KCNQ1OT1: variants seen among roughly 807,000 people sequenced by gnomAD.
The protein encoded by KCNQ1OT1 is KCNQ1 antisense RNA 2 (non-protein coding).
Position 2,623,278 on chromosome 11 carries a change from T to C in KCNQ1OT1, n.76717A>G. On this transcript the variant is annotated non_coding_transcript_exon_variant, in exon 1 of 1. Transcript: ENST00000597346. The surrounding 1 kb of genome is among the most constrained non-coding windows in gnomAD (Gnocchi z 5.2). ...TCAATTAAACCTCTTTTCTCACAAA[T>C]TACCCAGTCTCAGGTAGTTCTTTAT... is the stretch of plus-strand genomic sequence containing the variant. 2.5e-6 allele frequency: 1 copy of C among 398,790 alleles called. No homozygotes were observed. The highest frequency in any genetic ancestry group is 4.4e-6 in the Non-Finnish European group (1 of 226,144). 24.7% of individuals were successfully genotyped at this position (398,790 alleles called of 1,614,324 possible). A position where few individuals can be genotyped will look rare whatever the true frequency, so the allele number is the denominator to read the frequency against.
Position 2,642,359 on chromosome 11 carries a change from G to A in KCNQ1OT1, n.57636C>T. ...GGTTAAACTCATTCCTAGATTTTTT[G>A]TAGTGGTTGTAAAAGATAATGCCTT... is the stretch of plus-strand genomic sequence containing the variant. On this transcript the variant is annotated non_coding_transcript_exon_variant, in exon 1 of 1. Coordinates refer to ENST00000597346, the Ensembl canonical transcript of KCNQ1OT1. This position sits in a 1 kb window ranked among gnomAD's most constrained non-coding sequence, Gnocchi z 4.3. The A allele has an allele frequency of 2.5e-6, 1 of 398,068 alleles. No individual in the cohort carries two copies. Among genetic ancestry groups the A allele is most frequent in the Non-Finnish European group, 4.4e-6 (1 of 225,768 alleles). The allele number at this position is 398,068 out of a possible 1,614,324, so 24.7% of individuals were successfully genotyped here.
At chr11:2,649,412 A>C in exon 1 of KCNQ1OT1, 4 of 398,428 alleles carry the variant, frequency 1.0e-5, no homozygotes, top group Non-Finnish European at 1.3e-5. Context: ...GATGGTAGAT[A>C]TCATCCTCCT....
In KCNQ1OT1 at chr11:2,664,307, G is replaced by T; in HGVS notation, n.35688C>A. The T allele has an allele frequency of 2.5e-6, 1 of 399,122 alleles. No homozygotes were observed. Among genetic ancestry groups the T allele is most frequent in the Non-Finnish European group, 4.4e-6 (1 of 226,476 alleles). 24.7% of individuals were successfully genotyped at this position (399,122 alleles called of 1,614,324 possible). A position where few individuals can be genotyped will look rare whatever the true frequency, so the allele number is the denominator to read the frequency against. On this transcript the variant is annotated non_coding_transcript_exon_variant, in exon 1 of 1. Transcript: ENST00000597346. This position sits in a 1 kb window ranked among gnomAD's most constrained non-coding sequence, Gnocchi z 5.1. Reference sequence around the variant, plus strand: ...GGGCCACCTTGAGGCATTGTGTTCTGGTCAGGGAAGACTCAGGGCTGAGGC... The same window carrying T: ...GGGCCACCTTGAGGCATTGTGTTCTTGTCAGGGAAGACTCAGGGCTGAGGC...
exon 1 of KCNQ1OT1, chr11:2,635,027 T>C (rs1005178828): frequency 1.1e-4 from 17 of 152,122 alleles, no homozygotes; most frequent in Admixed American, 6.6e-5. Flanking sequence ...TTTGATAGGG[T>C]TGTTTGTTTT....
At chr11:2,634,857 T>C (rs903408702) in exon 1 of KCNQ1OT1, 1 of 152,240 alleles carries the variant, frequency 6.6e-6, no homozygotes, top group Non-Finnish European at 1.5e-5. Context: ...TCCTGAATTT[T>C]TAATGATTGC....
rs572529223 is a variant in KCNQ1OT1 at position 2,649,486 on chromosome 11, CT to C, written n.50508del. 13 of 398,388 alleles carry C rather than the reference CT, an allele frequency of 3.3e-5. 1 individual carries two copies. The highest frequency in any genetic ancestry group is 5.8e-5 in the Non-Finnish European group (13 of 226,042). The allele number at this position is 398,388 out of a possible 1,614,324, so 24.7% of individuals were successfully genotyped here. On this transcript the variant is annotated non_coding_transcript_exon_variant, in exon 1 of 1. Coordinates refer to ENST00000597346, the Ensembl canonical transcript of KCNQ1OT1. ...GGCTGATTTAGTAGTAATGAATTCC[CT>C]CAGTTTTTGCTTGTCTGAGGGAGGC...
chr11:2,681,786 A>ATGGG lies in KCNQ1OT1; in HGVS notation n.18205_18208dup, dbSNP rs1427486800. ...GGCCCTGGGACCTGGGAGGACCAGA[A>ATGGG]TGGGTACAGTCCCTGCCTTCTCAGG... On this transcript the variant is annotated non_coding_transcript_exon_variant, in exon 1 of 1. Transcript: ENST00000597346. 7.5e-6 allele frequency: 3 copies of ATGGG among 398,466 alleles called. No individual in the cohort carries two copies. The highest frequency in any genetic ancestry group is 7.1e-5 in the East Asian group (2 of 28,072). 24.7% of individuals were successfully genotyped at this position (398,466 alleles called of 1,614,324 possible). A position where few individuals can be genotyped will look rare whatever the true frequency, so the allele number is the denominator to read the frequency against.
rs538694724 is a variant in KCNQ1OT1, at chr11:2,628,310, C to T, written n.71685G>A. The T allele has an allele frequency of 1.8e-5, 7 of 398,522 alleles. No individual in the cohort carries two copies. In the South Asian group the frequency reaches 7.6e-4, roughly 43 times the overall value. 24.7% of individuals were successfully genotyped at this position (398,522 alleles called of 1,614,324 possible). A position where few individuals can be genotyped will look rare whatever the true frequency, so the allele number is the denominator to read the frequency against. On this transcript the variant is annotated non_coding_transcript_exon_variant, in exon 1 of 1. Coordinates refer to ENST00000597346, the Ensembl canonical transcript of KCNQ1OT1. ...CTCACCAACACTTGCTATCTTTTGA[C>T]TTTTTGATAATAGCGATTCTAACAG...
Position 2,699,384 on chromosome 11 carries a change from G to A in KCNQ1OT1, n.611C>T, listed in dbSNP as rs1019527709. 12 of 400,556 alleles carry A rather than the reference G, an allele frequency of 3.0e-5. No homozygotes were observed. In the Middle Eastern group the frequency reaches 1.9e-3, roughly 62 times the overall value. 24.8% of individuals were successfully genotyped at this position (400,556 alleles called of 1,614,324 possible). A position where few individuals can be genotyped will look rare whatever the true frequency, so the allele number is the denominator to read the frequency against. ...CCGTCCGCCCAGGTCCGTGCTGACC[G>A]TGTTCAAACCCTCCCAGAGAGATGG... On this transcript the variant is annotated non_coding_transcript_exon_variant, in exon 1 of 1. Coordinates refer to ENST00000597346, the Ensembl canonical transcript of KCNQ1OT1.
At position 2,645,847 on chromosome 11, in the gene KCNQ1OT1, G is replaced by GA; in HGVS notation, n.54147dup. The GA allele has an allele frequency of 2.5e-6, 1 of 398,666 alleles. No individual in the cohort carries two copies. Among genetic ancestry groups the GA allele is most frequent in the Non-Finnish European group, 4.4e-6 (1 of 226,136 alleles). 24.7% of individuals were successfully genotyped at this position (398,666 alleles called of 1,614,324 possible). A position where few individuals can be genotyped will look rare whatever the true frequency, so the allele number is the denominator to read the frequency against. On this transcript the variant is annotated non_coding_transcript_exon_variant, in exon 1 of 1. Coordinates refer to ENST00000597346, the Ensembl canonical transcript of KCNQ1OT1. The surrounding 1 kb of genome is among the most constrained non-coding windows in gnomAD (Gnocchi z 5.8). ...CCTGAAGTTGCCTGAGGATTCAGGGGATGTGTGAATTGCCTGAGGATTCAG... is the reference window on the plus strand; with the variant it reads ...CCTGAAGTTGCCTGAGGATTCAGGGGAATGTGTGAATTGCCTGAGGATTCAG...
At chr11:2,689,828 A>C (rs1850559138) in exon 1 of KCNQ1OT1, 1 of 398,774 alleles carries the variant, frequency 2.5e-6, no homozygotes, top group Admixed American at 4.4e-5. Flanking sequence ...TGGCCCTCCC[A>C]GGTGCCTGGT....
Position 2,623,544 on chromosome 11 carries a change from T to C in KCNQ1OT1, n.76451A>G, listed in dbSNP as rs1359001109. ...AGTATGTAGTTTCTTCAGATTGCCT[T>C]ATTTCACATAGTAATATGTTTTTTA... On this transcript the variant is annotated non_coding_transcript_exon_variant, in exon 1 of 1. Transcript: ENST00000597346. This position sits in a 1 kb window ranked among gnomAD's most constrained non-coding sequence, Gnocchi z 5.2. 4 of 398,524 alleles carry C rather than the reference T, an allele frequency of 1.0e-5. No individual in the cohort carries two copies. Among genetic ancestry groups the C allele is most frequent in the Non-Finnish European group, 1.8e-5 (4 of 226,068 alleles). The allele number at this position is 398,524 out of a possible 1,614,324, so 24.7% of individuals were successfully genotyped here. A position where few individuals can be genotyped will look rare whatever the true frequency, so the allele number is the denominator to read the frequency against.
At position 2,687,940 on chromosome 11, in the gene KCNQ1OT1, C is replaced by T. The variant is rs1049308490; in HGVS notation, n.12055G>A. On this transcript the variant is annotated non_coding_transcript_exon_variant, in exon 1 of 1. Coordinates refer to ENST00000597346, the Ensembl canonical transcript of KCNQ1OT1. The surrounding 1 kb of genome is among the most constrained non-coding windows in gnomAD (Gnocchi z 5.0). Reference sequence around the variant, plus strand: ...CAGTTGTGAGGCTGCACTTCTCCCACCCGCTGTGGGTCAGCCAGGCCGCTG... The same window carrying T: ...CAGTTGTGAGGCTGCACTTCTCCCATCCGCTGTGGGTCAGCCAGGCCGCTG... 3.5e-5 allele frequency: 14 copies of T among 398,666 alleles called. No homozygotes were observed. Among genetic ancestry groups the T allele is most frequent in the Non-Finnish European group, 6.2e-5 (14 of 226,186 alleles). The allele number at this position is 398,666 out of a possible 1,614,324, so 24.7% of individuals were successfully genotyped here. A position where few individuals can be genotyped will look rare whatever the true frequency, so the allele number is the denominator to read the frequency against.
At chr11:2,686,767 C>A in exon 1 of KCNQ1OT1, 1 of 398,668 alleles carries the variant, frequency 2.5e-6, no homozygotes, top group Non-Finnish European at 4.4e-6. Flanking sequence ...AAATGTGCAT[C>A]CCCTGTGATA....
At chr11:2,662,743 C>A in exon 1 of KCNQ1OT1, 1 of 399,734 alleles carries the variant, frequency 2.5e-6, no homozygotes, top group Admixed American at 4.4e-5. Flanking sequence ...GGCCACAGTC[C>A]CATTCTGGCT....
exon 1 of KCNQ1OT1, chr11:2,686,307 T>C: frequency 2.5e-6 from 1 of 398,666 alleles, no homozygotes; most frequent in Non-Finnish European, 4.4e-6. Flanking sequence ...CAGACCACAC[T>C]AGTGTCACCT....
At position 2,612,339 on chromosome 11, in the gene KCNQ1OT1, G is replaced by T; in HGVS notation, n.87656C>A. 2.5e-6 allele frequency: 1 copy of T among 398,672 alleles called. No homozygotes were observed. The highest frequency in any genetic ancestry group is 3.6e-5 in the East Asian group (1 of 28,078). 24.7% of individuals were successfully genotyped at this position (398,672 alleles called of 1,614,324 possible). On this transcript the variant is annotated non_coding_transcript_exon_variant, in exon 1 of 1. Transcript: ENST00000597346. This position sits in a 1 kb window ranked among gnomAD's most constrained non-coding sequence, Gnocchi z 5.5. ...ACTAAAGCCTCCCCCAACTGGCTGT[G>T]GAAAAATTGTCTTCCACAAAACTGG...
Position 2,674,729 on chromosome 11 carries a change from C to T in KCNQ1OT1, n.25266G>A, listed in dbSNP as rs1460128904. The T allele has an allele frequency of 1.5e-5, 6 of 397,170 alleles. No homozygotes were observed. Among genetic ancestry groups the T allele is most frequent in the African/African-American group, 4.2e-5 (2 of 48,134 alleles). 24.6% of individuals were successfully genotyped at this position (397,170 alleles called of 1,614,324 possible). ...TGACTCCTTCCTTCTGAACTTAACT[C>T]GTTAAAGTTGCTCCAATCCCAGCCC... On this transcript the variant is annotated non_coding_transcript_exon_variant, in exon 1 of 1. Transcript: ENST00000597346. The surrounding 1 kb of genome is among the most constrained non-coding windows in gnomAD (Gnocchi z 5.9).
chr11:2,672,442 AAGAGCTTCAATTG>A, exon 1 of KCNQ1OT1: 1 of 398,578 alleles, frequency 2.5e-6, no homozygotes, highest in East Asian at 3.6e-5. Context: ...AGGGGCTCTG[AAGAGCTTCAATTG>A]AGATATCCTT....
Sources: gnomAD v4.1 joint callset for allele counts on GRCh38, gnomAD v4.1.1 for gene constraint, Gnocchi (gnomAD v3.1) non-coding constraint, MANE v1.5 for transcripts, NCBI Gene and HGNC (gene_info 2026-07-23, HGNC 2026-07-21) for gene names.